TNS4: variants seen among roughly 807,000 people sequenced by gnomAD.
TNS4 encodes the protein tensin-4.
In TNS4, 46 loss-of-function variants were observed where a neutral mutation model predicts 70.4. The observed-to-expected ratio is 0.65, with a 90% CI of 0.52 to 0.84. The LOEUF is 0.84. Among genes scored for constraint, TNS4 ranks in the 40% least tolerant of loss-of-function variants. TNS4 has a pLI of 0.00. For missense variants in TNS4, 863 were observed against 907.0 expected (o/e 0.95, Z 0.62); for synonymous variants, 390 against 366.6 (o/e 1.06, Z -0.73).
At chr17:40,488,217 A>G (rs1263518492) in intron 3 of TNS4, among the ~76,000 whole-genome samples, 1 of 152,158 alleles carries the variant, frequency 6.6e-6, no homozygotes, top group African/African-American at 2.4e-5. Context: ...CCCCAATTCT[A>G]TTTATAGCCC....
intron 6 of TNS4, among the ~76,000 whole-genome samples, chr17:40,482,955 T>G (rs1210993863): frequency 7.4e-6 from 1 of 135,600 alleles, no homozygotes; most frequent in Admixed American, 7.3e-5. Flanking sequence ...TATCAGGGAT[T>G]TTTTTTTTTT....
chr17:40,477,695 G>A lies in TNS4; in HGVS notation c.2041C>T (p.Pro681Ser). The A allele has an allele frequency of 6.2e-7, 1 of 1,613,960 alleles. No individual in the cohort carries two copies. ...AAGAGGTGGCATACGTTCTCCTGAG[G>A]CTCTGTCTGGCTCTTGGCCACAAAC... Reference protein sequence around the residue: ...FGFVAKSQTEPQENVCHLFAE... With the variant: ...FGFVAKSQTESQENVCHLFAE... Residue 681 changes from proline to serine, a missense_variant, in exon 13 of 13, where the codon CCT (proline) becomes TCT (serine). Coordinates refer to ENST00000254051, the MANE Select transcript of TNS4 (RefSeq NM_032865.6).
At chr17:40,500,248 A>G (rs2036194743) in intron 1 of TNS4, among the ~76,000 whole-genome samples, 1 of 152,206 alleles carries the variant, frequency 6.6e-6, no homozygotes, top group Non-Finnish European at 1.5e-5. Context: ...ACCAAGAGGG[A>G]CAGACCTGGA....
In TNS4 at chr17:40,477,443, C is replaced by T; in HGVS notation, c.*145G>A. ...TGACTGCTGAAGGCCATAGCAGGTT[C>T]AAGGGTGTCAACTTGATGCCAATCC... On this transcript the variant is annotated 3_prime_UTR_variant, in exon 13 of 13. Coordinates refer to ENST00000254051, the MANE Select transcript of TNS4 (RefSeq NM_032865.6). The T allele has an allele frequency of 3.6e-6, 4 of 1,126,182 alleles. No individual in the cohort carries two copies. The highest frequency in any genetic ancestry group is 3.7e-6 in the Non-Finnish European group (3 of 803,378). The allele number at this position is 1,126,182 out of a possible 1,614,324, so 69.8% of individuals were successfully genotyped here.
intron 12 of TNS4, 172 bp from the exon 13 acceptor site, chr17:40,477,901 C>G: frequency 1.6e-6 from 1 of 637,880 alleles, no homozygotes; most frequent in South Asian, 1.9e-5. Context: ...GGAGATGCCT[C>G]TCCCGTCAGA....
chr17:40,500,908 G>A (rs2036206439), intron 1 of TNS4, among the ~76,000 whole-genome samples: 1 of 151,424 alleles, frequency 6.6e-6, no homozygotes, highest in African/African-American at 2.4e-5. Context: ...GAAGTGCCCA[G>A]AGGGCTCCCA....
chr17:40,477,949 G>T (rs2035870451), intron 12 of TNS4: 6 of 607,178 alleles, frequency 9.9e-6, no homozygotes, highest in South Asian at 2.0e-5. Flanking sequence ...GGTTTCCTTT[G>T]TTTTGAGTGA....
chr17:40,478,476 T>A (rs1567807623), intron 11 of TNS4, 104 bp downstream of exon 11: 1 of 1,482,158 alleles, frequency 6.7e-7, no homozygotes, highest in Non-Finnish European at 9.2e-7. Context: ...CCCCTTGAGG[T>A]TCACAGGCTC....
rs367653190 is a variant in TNS4, at chr17:40,495,979, A to G, written c.439+8T>C. ...CCCCCCTCCTGGTACTGTGCCCCAA[A>G]TCCTTACCCAAGGCTTCAGATTCCT... On this transcript the variant is annotated splice_region_variant and intron_variant, in intron 2 of 12. Coordinates refer to ENST00000254051, the MANE Select transcript of TNS4 (RefSeq NM_032865.6). 3 of 1,601,598 alleles carry G rather than the reference A, an allele frequency of 1.9e-6. No individual in the cohort carries two copies. In the South Asian group the frequency reaches 3.4e-5, roughly 18 times the overall value.
At chr17:40,486,364 C>T (rs866286092) in intron 4 of TNS4, among the ~76,000 whole-genome samples, 3 of 151,978 alleles carry the variant, frequency 2.0e-5, no homozygotes, top group Admixed American at 6.6e-5. Flanking sequence ...TCCTGAGGGT[C>T]GCCTGGTTCT....
chr17:40,498,231 G>A (rs538708932), intron 1 of TNS4, among the ~76,000 whole-genome samples: 1 of 152,310 alleles, frequency 6.6e-6, no homozygotes, highest in African/African-American at 2.4e-5. Context: ...AGTGGACTCT[G>A]GGATCCGAAG....
At chr17:40,483,590 C>CGCTGGCCCCGGGGGTGGGGAGGTG (rs2035954595) in intron 6 of TNS4, among the ~76,000 whole-genome samples, 4 of 152,158 alleles carry the variant, frequency 2.6e-5, no homozygotes, top group Admixed American at 6.5e-5. Context: ...GCTGGAGCCA[C>CGCTGGCCCCGGGGGTGGGGAGGTG]GCTGGCCCCG....
At chr17:40,478,277 GTTTGGGGC>G (rs777654844) in intron 12 of TNS4, 22 bp downstream of exon 12, 14 of 1,613,796 alleles carry the variant, frequency 8.7e-6, no homozygotes, top group Admixed American at 1.7e-5. Flanking sequence ...CCCATGTTGG[GTTTGGGGC>G]CCTGAGACAG....
chr17:40,482,068 T>C, intron 8 of TNS4, 61 bp downstream of exon 8: 1 of 1,585,644 alleles, frequency 6.3e-7, no homozygotes, highest in Non-Finnish European at 8.6e-7. Flanking sequence ...GTGAACCCCA[T>C]TTCTAATGAG....
At chr17:40,493,889 G>T (rs2036106951) in intron 2 of TNS4, among the ~76,000 whole-genome samples, 1 of 152,292 alleles carries the variant, frequency 6.6e-6, no homozygotes, top group African/African-American at 2.4e-5. Context: ...TGGAAATCCA[G>T]TCCTGGGGCA....
intron 1 of TNS4, among the ~76,000 whole-genome samples, chr17:40,500,969 A>T (rs562179624): frequency 6.6e-5 from 10 of 151,692 alleles, no homozygotes; most frequent in African/African-American, 2.4e-4. Flanking sequence ...CCTTTCCATG[A>T]CCTCAGGCAA....
chr17:40,478,769 G>T, intron 10 of TNS4, 121 bp from the exon 11 acceptor site: 1 of 1,078,650 alleles, frequency 9.3e-7, no homozygotes, highest in Non-Finnish European at 1.4e-6. Context: ...CTCTGGGTTA[G>T]ACCTTGAAGA....
chr17:40,489,003 G>T (rs772649903), intron 2 of TNS4, 34 bp from the exon 3 acceptor site: 2 of 1,525,988 alleles, frequency 1.3e-6, no homozygotes, highest in South Asian at 2.5e-5. Flanking sequence ...TTGGTGAAAT[G>T]CAGGAGCCTG....
intron 2 of TNS4, among the ~76,000 whole-genome samples, chr17:40,492,789 C>A (rs537306858): frequency 6.6e-6 from 1 of 151,928 alleles, no homozygotes; most frequent in East Asian, 1.9e-4. Context: ...GTAATCCCAG[C>A]ACTTTGGGAG....
Sources: allele counts gnomAD v4.1 joint callset (sites outside exome capture counted in the v4.1 genomes callset), GRCh38; gene constraint gnomAD v4.1.1; transcripts MANE v1.5; gene names NCBI Gene and HGNC (gene_info 2026-07-23, HGNC 2026-07-21).